Variants in SLC24A2 observed in about 807,000 individuals in gnomAD.
The protein encoded by SLC24A2 is solute carrier family 24 member 2, also known as sodium/potassium/calcium exchanger 2.
A neutral mutation model predicts 62.0 loss-of-function variants in SLC24A2; 36 were observed. The ratio of observed to expected loss-of-function variants is 0.58; its 90% CI spans 0.44 to 0.77. The LOEUF is 0.77. SLC24A2 is among the 30% of genes least tolerant of loss of function. SLC24A2 has a pLI of 0.00. For missense variants in SLC24A2, 846 were observed against 817.9 expected, an observed-to-expected ratio of 1.03 and a Z score of -0.42; for synonymous variants, 358 against 294.0, an observed-to-expected ratio of 1.22 and a Z score of -2.23.
chr9:19,743,995 C>T (rs1291327903), intron 2 of SLC24A2, among the ~76,000 whole-genome samples: 27 of 152,088 alleles, frequency 1.8e-4, no homozygotes. Context: ...GAGACCAAAA[C>T]CCAGTCCTGA....
intron 7 of SLC24A2, among the ~76,000 whole-genome samples, chr9:19,557,381 C>T (rs1835147872): frequency 6.6e-6 from 1 of 152,150 alleles, no homozygotes; most frequent in South Asian, 2.1e-4. Flanking sequence ...GGGTGTTTTA[C>T]AAAGCTTTGG....
chr9:20,128,397 A>G, the SLC24A2 span, among the ~76,000 whole-genome samples: 1 of 152,128 alleles, frequency 6.6e-6, no homozygotes, highest in Non-Finnish European at 1.5e-5. Flanking sequence ...AAGTAAATAG[A>G]GACTATATAT....
chr9:20,211,829 GTGTT>G, the SLC24A2 span, among the ~76,000 whole-genome samples: 13 of 152,112 alleles, frequency 8.5e-5, no homozygotes, highest in Admixed American at 7.2e-4. Flanking sequence ...ATTTGTGTTT[GTGTT>G]TGTTTTTTAC....
chr9:20,260,637 A>T, the SLC24A2 span, among the ~76,000 whole-genome samples: 7 of 151,878 alleles, frequency 4.6e-5, 1 homozygote, highest in African/African-American at 1.4e-4. Context: ...TTCCATCTCC[A>T]TTGCTTTTAT....
intron 4 of SLC24A2, among the ~76,000 whole-genome samples, chr9:19,617,283 G>A (rs1356660778): frequency 2.6e-5 from 4 of 152,164 alleles, no homozygotes; most frequent in Admixed American, 6.5e-5. Context: ...GAGCTCAGGC[G>A]GTAATGCCTG....
chr9:19,542,099 ACTGT>A (rs1162432865), intron 8 of SLC24A2, among the ~76,000 whole-genome samples: 1 of 151,948 alleles, frequency 6.6e-6, no homozygotes, highest in Non-Finnish European at 1.5e-5. Flanking sequence ...GCCTGCGCCC[ACTGT>A]CTGGCACTCC....
intron 8 of SLC24A2, among the ~76,000 whole-genome samples, chr9:19,535,794 G>C (rs549638675): frequency 2.0e-5 from 3 of 152,242 alleles, no homozygotes; most frequent in South Asian, 4.1e-4. Context: ...CTCCAGCTTT[G>C]TTCTTTGCTT....
chr9:20,032,587 T>C, the SLC24A2 span, among the ~76,000 whole-genome samples: 1 of 152,236 alleles, frequency 6.6e-6, no homozygotes. Context: ...AGAAGTACGG[T>C]AACTATGTTC....
chr9:19,986,890 CTAAATGCCAT>C, the SLC24A2 span, among the ~76,000 whole-genome samples: 8 of 152,186 alleles, frequency 5.3e-5, no homozygotes, highest in East Asian at 5.8e-4. Flanking sequence ...TGTGATTGTA[CTAAATGCCAT>C]TGAAATGTTC....
the SLC24A2 span, among the ~76,000 whole-genome samples, chr9:19,813,650 T>A: frequency 1.3e-5 from 2 of 152,068 alleles, no homozygotes; most frequent in African/African-American, 4.8e-5. Flanking sequence ...TAATCCTTGT[T>A]GTGATCTGAA....
chr9:20,098,691 C>G, the SLC24A2 span, among the ~76,000 whole-genome samples: 1 of 152,174 alleles, frequency 6.6e-6, no homozygotes, highest in African/African-American at 2.4e-5. Context: ...AACAAGCATG[C>G]CAGGTTATAA....
At chr9:20,235,322 A>C in the SLC24A2 span, among the ~76,000 whole-genome samples, 4 of 152,238 alleles carry the variant, frequency 2.6e-5, no homozygotes, top group South Asian at 8.3e-4. Context: ...CTGCCCCCAG[A>C]GGTGGAGCCT....
intron 5 of SLC24A2, among the ~76,000 whole-genome samples, chr9:19,592,147 A>G (rs1054970018): frequency 6.6e-6 from 1 of 152,244 alleles, no homozygotes; most frequent in African/African-American, 2.4e-5. Flanking sequence ...GGGGTTTTCA[A>G]AACAGCCACA....
the SLC24A2 span, among the ~76,000 whole-genome samples, chr9:20,165,204 TCAA>T: frequency 1.3e-5 from 2 of 151,928 alleles, no homozygotes; most frequent in Non-Finnish European, 2.9e-5. Flanking sequence ...TAAGAATATC[TCAA>T]CATCATCAGG....
intron 4 of SLC24A2, among the ~76,000 whole-genome samples, chr9:19,601,449 A>G (rs1836838731): frequency 6.6e-6 from 1 of 152,186 alleles, no homozygotes. Context: ...TTCACAATAA[A>G]TCTTGCTGCT....
At chr9:19,784,801 C>T (rs73646167) in intron 2 of SLC24A2, among the ~76,000 whole-genome samples, 1,835 of 59,074 alleles carry the variant, frequency 0.031, 42 homozygotes, top group African/African-American at 0.07. Context: ...ATATGTAGTA[C>T]AAGTAGAAAT....
At chr9:19,884,845 G>GGTAGGTTAGACTAAGCTATGACGTTCA in the SLC24A2 span, among the ~76,000 whole-genome samples, 3 of 152,142 alleles carry the variant, frequency 2.0e-5, no homozygotes, top group African/African-American at 7.2e-5. Context: ...GCATGTTTAA[G>GGTAGGTTAGACTAAGCTATGACGTTCA]GTAGGTTAGA....
At chr9:19,859,074 TA>T in the SLC24A2 span, among the ~76,000 whole-genome samples, 1 of 152,242 alleles carries the variant, frequency 6.6e-6, no homozygotes, top group African/African-American at 2.4e-5. Context: ...CTAGTCATAA[TA>T]ATAAAGACAA....
chr9:19,730,409 T>A (rs1388965246), intron 2 of SLC24A2, among the ~76,000 whole-genome samples: 2 of 152,186 alleles, frequency 1.3e-5, no homozygotes, highest in Non-Finnish European at 2.9e-5. Flanking sequence ...TATCTGTCCA[T>A]GTATACAGAG....
Sources: gnomAD v4.1 joint callset for allele counts (sites outside exome capture counted in the v4.1 genomes callset) on GRCh38, gnomAD v4.1.1 for gene constraint, MANE v1.5 for transcripts, NCBI Gene and HGNC (gene_info 2026-07-23, HGNC 2026-07-21) for gene names.